Variants in LARGE1 observed in about 807,000 individuals in gnomAD.
LARGE1 encodes the protein xylosyl- and glucuronyltransferase LARGE1.
Under a neutral mutation model 87.6 loss-of-function variants are expected in LARGE1, and 43 were observed. That is an observed-to-expected ratio of 0.49 (90% CI 0.38 to 0.63). The LOEUF (loss-of-function observed/expected upper bound fraction) is 0.63. Among genes scored for constraint, LARGE1 ranks in the 30% least tolerant of loss-of-function variants. The pLI is 0.00. For missense variants in LARGE1, 802 were observed against 1,000.2 expected (o/e 0.80, Z 2.67); for synonymous variants, 434 against 394.6 (o/e 1.10, Z -1.18).
intron 7 of LARGE1, among the ~76,000 whole-genome samples, chr22:33,395,918 AAGGT>A (rs2065724629): frequency 6.6e-6 from 1 of 152,212 alleles, no homozygotes; most frequent in African/African-American, 2.4e-5. Context: ...GTGAATCTCA[AAGGT>A]GGTTACGGCT....
chr22:33,301,557 C>A (rs570095794), intron 12 of LARGE1, among the ~76,000 whole-genome samples: 1 of 152,220 alleles, frequency 6.6e-6, no homozygotes, highest in South Asian at 2.1e-4. Flanking sequence ...ACCTTCCCTG[C>A]GTCCATAAAG....
chr22:33,224,759 G>C (rs1925646799), intron 11 of LARGE1, among the ~76,000 whole-genome samples: 1 of 152,168 alleles, frequency 6.6e-6, no homozygotes, highest in Non-Finnish European at 1.5e-5. Context: ...GTTAGCAACA[G>C]GACAAAAAGA....
exon 12 of LARGE1, chr22:33,162,823 A>G (rs758234518): frequency 1.2e-4 from 18 of 152,250 alleles, no homozygotes; most frequent in Non-Finnish European, 2.2e-4. Flanking sequence ...ATGGCACACT[A>G]AGTACCTCTT....
At chr22:33,556,533 AGGG>A in intron 6 of LARGE1, among the ~76,000 whole-genome samples, 1 of 43,972 alleles carries the variant, frequency 2.3e-5, no homozygotes, top group African/African-American at 9.2e-5. Context: ...GGAGGGAGGG[AGGG>A]AAGGAGGGAG....
intron 11 of LARGE1, among the ~76,000 whole-genome samples, chr22:33,211,542 G>A (rs1924959921): frequency 6.6e-6 from 1 of 152,088 alleles, no homozygotes; most frequent in African/African-American, 2.4e-5. Context: ...GGAGGCCGAG[G>A]CGATGGATCA....
rs202141543 is a variant in LARGE1, at chr22:33,781,927, A to ATG, written c.-82-20371_-82-20370dup. Among the ~76,000 whole-genome samples the ATG allele has an allele frequency of 5.4e-3, 825 of 152,068 alleles. 2 individuals carry two copies. The highest frequency in any genetic ancestry group is 0.019 in the African/African-American group (785 of 41,496). On this transcript the variant is annotated intron_variant, in intron 1 of 14. Coordinates refer to ENST00000397394, the MANE Select transcript of LARGE1 (RefSeq NM_133642.5). ...ACCAGCACATGGTAAAAGAAAATCA[A>ATG]TGTGTGTGTGTGTATATACATATAT...
At chr22:33,348,857 G>A (rs972714988) in intron 9 of LARGE1, among the ~76,000 whole-genome samples, 2 of 152,066 alleles carry the variant, frequency 1.3e-5, no homozygotes, top group African/African-American at 4.8e-5. Flanking sequence ...TTGTGGGAGG[G>A]GCTTGGTGGG....
chr22:33,880,106 G>A (rs1246110990), intron 1 of LARGE1, among the ~76,000 whole-genome samples: 1 of 152,142 alleles, frequency 6.6e-6, no homozygotes, highest in East Asian at 1.9e-4. Flanking sequence ...ATTAATTGCT[G>A]AGTTAATCAA....
At chr22:33,306,415 C>T (rs979278572) in intron 11 of LARGE1, among the ~76,000 whole-genome samples, 1 of 152,052 alleles carries the variant, frequency 6.6e-6, no homozygotes, top group African/African-American at 2.4e-5. Flanking sequence ...AGGAAGTGGG[C>T]GGAAGGAGGG....
chr22:33,406,406 C>T (rs1198492564), intron 7 of LARGE1, among the ~76,000 whole-genome samples: 1 of 152,192 alleles, frequency 6.6e-6, no homozygotes, highest in Non-Finnish European at 1.5e-5. Flanking sequence ...GGATTTTTCT[C>T]CTATCCTCTC....
At chr22:33,849,766 C>T (rs2283954) in intron 1 of LARGE1, among the ~76,000 whole-genome samples, 60,664 of 151,560 alleles carry the variant, frequency 0.4, 12,210 homozygotes, top group Admixed American at 0.51. Context: ...GCCCAGCTAA[C>T]TTTTTTGTAT....
At chr22:33,614,118 T>C (rs2079516603) in intron 4 of LARGE1, among the ~76,000 whole-genome samples, 2 of 152,204 alleles carry the variant, frequency 1.3e-5, no homozygotes, top group East Asian at 1.9e-4. Context: ...CATGAACAAA[T>C]GTTGAACCTT....
intron 5 of LARGE1, among the ~76,000 whole-genome samples, chr22:33,593,811 GT>G (rs67518547): frequency 0.085 from 12,926 of 152,138 alleles, 677 homozygotes; most frequent in African/African-American, 0.14. Context: ...TATTGCACTG[GT>G]TCTATTTTGC....
chr22:33,477,398 T>C (rs2069126711), intron 6 of LARGE1, among the ~76,000 whole-genome samples: 1 of 152,216 alleles, frequency 6.6e-6, no homozygotes, highest in Non-Finnish European at 1.5e-5. Context: ...TTTGTCAAAG[T>C]CCCTCTTTGT....
intron 7 of LARGE1, among the ~76,000 whole-genome samples, chr22:33,392,335 A>AT (rs909638144): frequency 1.3e-5 from 2 of 152,124 alleles, no homozygotes; most frequent in Non-Finnish European, 2.9e-5. Flanking sequence ...ACAATCCCAC[A>AT]TTAACTCCAA....
intron 5 of LARGE1, among the ~76,000 whole-genome samples, chr22:33,604,075 A>T (rs1296645218): frequency 2.0e-5 from 3 of 152,140 alleles, no homozygotes; most frequent in African/African-American, 7.2e-5. Context: ...ACAACAGGCA[A>T]ATTTAAACCC....
At chr22:33,693,610 G>A (rs1416613924) in intron 2 of LARGE1, among the ~76,000 whole-genome samples, 6 of 152,184 alleles carry the variant, frequency 3.9e-5, no homozygotes, top group Admixed American at 3.3e-4. Flanking sequence ...GGATCACAAG[G>A]TCAGGAGTTG....
intron 6 of LARGE1, among the ~76,000 whole-genome samples, chr22:33,491,676 G>A (rs113516932): frequency 6.6e-6 from 1 of 152,168 alleles, no homozygotes; most frequent in African/African-American, 2.4e-5. Context: ...ATCTGAAATT[G>A]GAACTTAATC....
chr22:33,663,061 C>T (rs1223539832), intron 2 of LARGE1, among the ~76,000 whole-genome samples: 1 of 151,584 alleles, frequency 6.6e-6, no homozygotes, highest in African/African-American at 2.4e-5. Context: ...AAAAAAAAAT[C>T]ACCTCTTTTT....
Sources: allele counts gnomAD v4.1 joint callset (sites outside exome capture counted in the v4.1 genomes callset), GRCh38; gene constraint gnomAD v4.1.1; transcripts MANE v1.5; gene names NCBI Gene and HGNC (gene_info 2026-07-23, HGNC 2026-07-21).